DGKG: variants seen among roughly 807,000 people sequenced by gnomAD.
DGKG encodes diacylglycerol kinase gamma, also known as DAG kinase gamma.
A neutral mutation model predicts 105.3 loss-of-function variants in DGKG; 78 were observed. The ratio of observed to expected loss-of-function variants is 0.74; its 90% CI spans 0.62 to 0.89. The LOEUF (loss-of-function observed/expected upper bound fraction) is 0.89, where lower values mean the gene tolerates loss of function less well. Ranked by LOEUF, DGKG falls within the 40% of genes least tolerant of loss-of-function variation. The probability of loss-of-function intolerance (pLI) is 0.00; values close to 1 mark genes in which losing one functional copy is unlikely to be tolerated. For missense variants in DGKG, 958 were observed against 1,020.1 expected, an observed-to-expected ratio of 0.94 and a Z score of 0.83; for synonymous variants, 346 against 367.1, an observed-to-expected ratio of 0.94 and a Z score of 0.66.
In DGKG at chr3:186,226,444, A is replaced by T. The variant is rs1578691420; in HGVS notation, c.1827-14559T>A. Among the ~76,000 whole-genome samples the T allele has an allele frequency of 1.3e-5, 2 of 152,070 alleles. No homozygotes were observed. ...CCACCCCAACCCTGCATATACAGAA[A>T]CCGTGATTATGAGCAGCCGCTTCCC... On this transcript the variant is annotated intron_variant, in intron 20 of 24. Coordinates refer to ENST00000265022, the MANE Select transcript of DGKG (RefSeq NM_001346.3). This position sits in a 1 kb window ranked among gnomAD's most constrained non-coding sequence, Gnocchi z 4.2.
chr3:186,197,370 C>A (rs1199472436), intron 21 of DGKG, among the ~76,000 whole-genome samples: 1 of 152,054 alleles, frequency 6.6e-6, no homozygotes, highest in African/African-American at 2.4e-5. Context: ...CGCAGATAGA[C>A]CCTAAAAGGC....
At chr3:186,315,392 C>T (rs1002844755) in intron 2 of DGKG, among the ~76,000 whole-genome samples, 1 of 152,200 alleles carries the variant, frequency 6.6e-6, no homozygotes, top group Admixed American at 6.5e-5. Context: ...CCTTTCCCTT[C>T]CCTTCTCCAA....
chr3:186,289,899 G>T (rs550731256), intron 5 of DGKG, among the ~76,000 whole-genome samples: 1 of 152,322 alleles, frequency 6.6e-6, no homozygotes, highest in Non-Finnish European at 1.5e-5. Context: ...CAATGGGAGT[G>T]AATATTCCAT....
intron 11 of DGKG, among the ~76,000 whole-genome samples, chr3:186,271,922 C>T (rs1243900896): frequency 6.6e-6 from 1 of 152,240 alleles, no homozygotes; most frequent in Non-Finnish European, 1.5e-5. Context: ...TTCCACTGTA[C>T]CTTCCACACA....
rs1047980201 is a variant in DGKG, at chr3:186,147,497, C to A, written c.*2593G>T. The A allele has an allele frequency of 1.0e-6, 1 of 985,192 alleles. No homozygotes were observed. Among genetic ancestry groups the A allele is most frequent in the Non-Finnish European group, 1.2e-6 (1 of 829,872 alleles). 61.0% of individuals were successfully genotyped at this position (985,192 alleles called of 1,614,324 possible). On this transcript the variant is annotated 3_prime_UTR_variant, in exon 25 of 25. Transcript: ENST00000265022. ...TGTTTAAAGGATGATTTGCAAGGCA[C>A]GATTAAACAACAACACAAGATTTAC...
intron 3 of DGKG, among the ~76,000 whole-genome samples, chr3:186,302,443 AAAAGGGGGG>A (rs1233418775): frequency 7.0e-6 from 1 of 142,454 alleles, no homozygotes; most frequent in African/African-American, 2.6e-5. Context: ...ACAGATTGGA[AAAAGGGGGG>A]AAATGTGCTA....
intron 2 of DGKG, among the ~76,000 whole-genome samples, chr3:186,315,152 A>G (rs1424790925): frequency 6.6e-6 from 1 of 152,080 alleles, no homozygotes; most frequent in African/African-American, 2.4e-5. Context: ...GTCCAAACAA[A>G]CTCTCTGCCC....
chr3:186,337,406 A>T (rs1462903289), intron 1 of DGKG, among the ~76,000 whole-genome samples: 1 of 151,754 alleles, frequency 6.6e-6, no homozygotes, highest in Non-Finnish European at 1.5e-5. Flanking sequence ...AAATATAATA[A>T]AAAAACAAAC....
At chr3:186,167,795 AC>A (rs1560078253) in intron 22 of DGKG, among the ~76,000 whole-genome samples, 3 of 152,014 alleles carry the variant, frequency 2.0e-5, no homozygotes, top group Non-Finnish European at 4.4e-5. Context: ...TCACTCACTC[AC>A]TCACTCATTC....
chr3:186,245,347 T>C (rs139367841), intron 19 of DGKG, among the ~76,000 whole-genome samples: 111 of 152,252 alleles, frequency 7.3e-4, no homozygotes, highest in Non-Finnish European at 1.3e-3. Flanking sequence ...AAAAAGGCAA[T>C]GAGGGTGAAG....
intron 20 of DGKG, among the ~76,000 whole-genome samples, chr3:186,229,433 C>CG (rs1720025052): frequency 6.6e-6 from 1 of 151,982 alleles, no homozygotes; most frequent in Non-Finnish European, 1.5e-5. Context: ...TTAGTAGAGA[C>CG]GGGGTTTCAC....
intron 22 of DGKG, among the ~76,000 whole-genome samples, chr3:186,165,971 A>G (rs187088545): frequency 6.1e-4 from 93 of 152,354 alleles, no homozygotes; most frequent in Non-Finnish European, 1.2e-3. Flanking sequence ...ACATCCTCTT[A>G]ATATCCACAA....
chr3:186,306,231 G>A (rs995597205), intron 3 of DGKG, among the ~76,000 whole-genome samples: 29 of 152,306 alleles, frequency 1.9e-4, no homozygotes, highest in African/African-American at 6.7e-4. Flanking sequence ...CAGTTTCGCT[G>A]TAAAACACAG....
chr3:186,173,506 C>A (rs1716927490), intron 22 of DGKG, among the ~76,000 whole-genome samples: 1 of 152,244 alleles, frequency 6.6e-6, no homozygotes, highest in South Asian at 2.1e-4. Context: ...AGCTGTCAGG[C>A]CTCTTTGCAG....
chr3:186,261,512 A>G (rs1245559436), intron 15 of DGKG, among the ~76,000 whole-genome samples, 187 bp downstream of exon 15: 1 of 152,160 alleles, frequency 6.6e-6, no homozygotes, highest in Non-Finnish European at 1.5e-5. Flanking sequence ...AATTATCTCC[A>G]TTTTACAGAG....
intron 23 of DGKG, among the ~76,000 whole-genome samples, chr3:186,162,018 C>T (rs1716314409): frequency 6.6e-6 from 1 of 152,152 alleles, no homozygotes; most frequent in South Asian, 2.1e-4. Context: ...CCTCAGCCTC[C>T]CGAGTAGATG....
chr3:186,242,691 G>A (rs1720748413), intron 19 of DGKG, 123 bp from the exon 20 acceptor site: 3 of 764,004 alleles, frequency 3.9e-6, no homozygotes, highest in South Asian at 2.2e-5. Context: ...CTATCGCATG[G>A]TGGGGCTCCA....
In DGKG at chr3:186,357,775, C is replaced by T. The variant is rs191392043; in HGVS notation, c.-249+4171G>A. Reference sequence around the variant, plus strand: ...AGGATACAGTGGAAAACGAGACAGACATAGACACACACTTTGCTTGCACCA... The same window carrying T: ...AGGATACAGTGGAAAACGAGACAGATATAGACACACACTTTGCTTGCACCA... On this transcript the variant is annotated intron_variant, in intron 1 of 24. Transcript: ENST00000265022. 4.6e-5 allele frequency among the ~76,000 whole-genome samples: 7 copies of T among 152,248 alleles called. No homozygotes were observed. The East Asian group carries it at 1.3e-3, about 29-fold the overall frequency.
At chr3:186,160,106 A>G in intron 24 of DGKG, 2 of 785,482 alleles carry the variant, frequency 2.5e-6, no homozygotes, top group Non-Finnish European at 3.1e-6. Context: ...AAGCAGACGA[A>G]TATACCTTTA....
Sources: allele counts gnomAD v4.1 joint callset (sites outside exome capture counted in the v4.1 genomes callset), GRCh38; gene constraint gnomAD v4.1.1; non-coding constraint Gnocchi (gnomAD v3.1); transcripts MANE v1.5; gene names NCBI Gene and HGNC (gene_info 2026-07-23, HGNC 2026-07-21).